Variants in DIAPH3 observed in about 807,000 individuals in gnomAD.
DIAPH3 encodes diaphanous related formin 3, also known as protein diaphanous homolog 3.
A neutral mutation model predicts 144.3 loss-of-function variants in DIAPH3; 117 were observed. The ratio of observed to expected loss-of-function variants is 0.81; its 90% CI spans 0.70 to 0.95. The LOEUF (loss-of-function observed/expected upper bound fraction) is 0.95, where lower values mean the gene tolerates loss of function less well. DIAPH3 is among the 40% of genes least tolerant of loss of function. The pLI is 0.00. For synonymous variants in DIAPH3, 519 were observed against 488.9 expected (o/e 1.06, Z -0.81); for missense variants, 1,421 against 1,412.7 (o/e 1.01, Z -0.09).
intron 25 of DIAPH3, among the ~76,000 whole-genome samples, chr13:59,781,109 AATTTTAAATAACT>A (rs2038714049): frequency 6.6e-6 from 1 of 152,176 alleles, no homozygotes; most frequent in Non-Finnish European, 1.5e-5. Context: ...TACAACCTGA[AATTTTAAATAACT>A]AAGCATACAA....
intron 1 of DIAPH3, chr13:60,153,536 G>A (rs1045317364): frequency 1.3e-5 from 2 of 151,968 alleles, no homozygotes; most frequent in Non-Finnish European, 2.9e-5. Flanking sequence ...CTCAGCCTCT[G>A]GGATTCCATT....
chr13:59,712,907 T>C (rs1019036059), intron 27 of DIAPH3, among the ~76,000 whole-genome samples: 9 of 152,182 alleles, frequency 5.9e-5, no homozygotes, highest in African/African-American at 1.9e-4. Context: ...GATGAAACCA[T>C]TCCACTTCAT....
In DIAPH3 at chr13:60,153,634, T is replaced by C. The variant is rs190691335; in HGVS notation, c.180+9953A>G. ...TTAAATCCAATAATGATGACTTAAT[T>C]TCAGCAAAACATCATCAATCGCATT... On this transcript the variant is annotated intron_variant, in intron 1 of 27. Coordinates refer to ENST00000400324, the MANE Select transcript of DIAPH3 (RefSeq NM_001042517.2). 8.5e-5 allele frequency: 13 copies of C among 152,256 alleles called. No homozygotes were observed. In the East Asian group the frequency reaches 2.5e-3, roughly 29 times the overall value. The allele number at this position is 152,256 out of a possible 1,614,324, so 9.4% of individuals were successfully genotyped here. A position where few individuals can be genotyped will look rare whatever the true frequency, so the allele number is the denominator to read the frequency against.
chr13:60,114,671 ACAAAC>A, intron 2 of DIAPH3, among the ~76,000 whole-genome samples: 1 of 151,374 alleles, frequency 6.6e-6, no homozygotes, highest in African/African-American at 2.4e-5. Flanking sequence ...ACACACACAC[ACAAAC>A]ACACACACAC....
chr13:59,981,459 G>A (rs1415629061), intron 13 of DIAPH3, among the ~76,000 whole-genome samples: 1 of 149,464 alleles, frequency 6.7e-6, no homozygotes, highest in African/African-American at 2.5e-5. Context: ...TTCCATTTCT[G>A]AGACTTGGCC....
At chr13:59,725,621 G>C (rs74558890) in intron 27 of DIAPH3, among the ~76,000 whole-genome samples, 3,444 of 152,228 alleles carry the variant, frequency 0.023, 91 homozygotes, top group East Asian at 0.12. Flanking sequence ...ATTCCATCCT[G>C]AACAGGCTTG....
At chr13:59,817,330 C>T (rs145302508) in intron 24 of DIAPH3, among the ~76,000 whole-genome samples, 1 of 151,808 alleles carries the variant, frequency 6.6e-6, no homozygotes, top group Non-Finnish European at 1.5e-5. Context: ...GTCAACTTAT[C>T]GATATAGTTT....
chr13:60,066,294 T>C (rs1201518921), intron 4 of DIAPH3, among the ~76,000 whole-genome samples: 1 of 152,166 alleles, frequency 6.6e-6, no homozygotes, highest in East Asian at 1.9e-4. Context: ...ATTATAAATG[T>C]TATATCTAAT....
intron 21 of DIAPH3, among the ~76,000 whole-genome samples, chr13:59,874,950 A>G (rs1566449711): frequency 6.6e-6 from 1 of 152,222 alleles, no homozygotes; most frequent in Non-Finnish European, 1.5e-5. Flanking sequence ...TATGTGGATT[A>G]GTAACATCTT....
chr13:59,916,121 A>G, intron 19 of DIAPH3, 34 bp downstream of exon 19: 1 of 1,552,456 alleles, frequency 6.4e-7, no homozygotes, highest in Non-Finnish European at 8.9e-7. Context: ...CTTGCAATGA[A>G]ATATTGAAAT....
At chr13:59,990,357 C>G (rs1016850355) in intron 12 of DIAPH3, among the ~76,000 whole-genome samples, 1 of 151,762 alleles carries the variant, frequency 6.6e-6, no homozygotes, top group African/African-American at 2.4e-5. Context: ...CTAAAAAACT[C>G]TTCTACTTGA....
intron 22 of DIAPH3, among the ~76,000 whole-genome samples, chr13:59,841,998 A>T (rs2042376942): frequency 6.6e-6 from 1 of 152,102 alleles, no homozygotes; most frequent in South Asian, 2.1e-4. Context: ...TTATATATAA[A>T]TTATTATAGA....
At chr13:59,741,703 C>CAAAAAAAAAAAAA (rs756556231) in intron 27 of DIAPH3, among the ~76,000 whole-genome samples, 3 of 93,774 alleles carry the variant, frequency 3.2e-5, no homozygotes, top group African/African-American at 8.4e-5. Context: ...GGCAACAAAG[C>CAAAAAAAAAAAAA]AAAAAAAAAA....
chr13:59,753,380 G>A (rs2139131849), intron 27 of DIAPH3, among the ~76,000 whole-genome samples: 1 of 152,240 alleles, frequency 6.6e-6, no homozygotes, highest in South Asian at 2.1e-4. Context: ...AGATTTTCAT[G>A]ACTCCAAATA....
intron 27 of DIAPH3, among the ~76,000 whole-genome samples, chr13:59,749,176 T>C (rs1428268733): frequency 8.1e-6 from 1 of 123,142 alleles, no homozygotes; most frequent in Non-Finnish European, 1.6e-5. Flanking sequence ...ATAGTGCCAC[T>C]GCACTCCAGC....
rs1270532711 is a variant in DIAPH3 at position 59,848,588 on chromosome 13, T to C, written c.2738-9140A>G. 3.7e-5 allele frequency among the ~76,000 whole-genome samples: 5 copies of C among 134,950 alleles called. No homozygotes were observed. In the East Asian group the frequency reaches 8.9e-4, roughly 24 times the overall value. 88.5% of individuals were successfully genotyped at this position (134,950 alleles called of 152,430 possible). ...GGTGTTTGGTTTTTTGTTCTTGCGA[T>C]AGTTTACTGAGAATGATGATTTCCA... On this transcript the variant is annotated intron_variant, in intron 22 of 27. Coordinates refer to ENST00000400324, the MANE Select transcript of DIAPH3 (RefSeq NM_001042517.2).
At chr13:59,741,126 G>C (rs2036420884) in intron 27 of DIAPH3, among the ~76,000 whole-genome samples, 1 of 151,844 alleles carries the variant, frequency 6.6e-6, no homozygotes, top group South Asian at 2.1e-4. Flanking sequence ...ACTTAAAGAA[G>C]ACTTTAAAAT....
At chr13:59,856,382 A>G (rs1042639318) in intron 22 of DIAPH3, among the ~76,000 whole-genome samples, 3 of 152,182 alleles carry the variant, frequency 2.0e-5, no homozygotes, top group Admixed American at 1.3e-4. Context: ...TGAGTGGCTT[A>G]AACAACAGAA....
chr13:59,881,761 A>G (rs974585430), intron 20 of DIAPH3, among the ~76,000 whole-genome samples: 3 of 152,296 alleles, frequency 2.0e-5, no homozygotes, highest in African/African-American at 7.2e-5. Context: ...AATCCCTGAC[A>G]AGGCAAAGTC....
Sources: gnomAD v4.1 joint callset for allele counts (sites outside exome capture counted in the v4.1 genomes callset) on GRCh38, gnomAD v4.1.1 for gene constraint, MANE v1.5 for transcripts, NCBI Gene and HGNC (gene_info 2026-07-23, HGNC 2026-07-21) for gene names.